MIGA1: variants seen among roughly 807,000 people sequenced by gnomAD.
MIGA1 encodes mitoguardin 1, also known as family with sequence similarity 73, member A.
A neutral mutation model predicts 82.0 loss-of-function variants in MIGA1; 58 were observed. The ratio of observed to expected loss-of-function variants is 0.71; its 90% confidence interval spans 0.57 to 0.88. The LOEUF is 0.88. Among genes scored for constraint, MIGA1 ranks in the 40% least tolerant of loss-of-function variants. MIGA1 has a pLI of 0.00. For synonymous variants in MIGA1, 249 were observed against 253.6 expected, an observed-to-expected ratio of 0.98 and a Z score of 0.17; for missense variants, 751 against 749.1, an observed-to-expected ratio of 1.00 and a Z score of -0.03.
chr1:77,851,901 G>T (rs1464795286), intron 8 of MIGA1, among the ~76,000 whole-genome samples: 3 of 125,832 alleles, frequency 2.4e-5, no homozygotes, highest in Non-Finnish European at 1.6e-5. Flanking sequence ...TTTTGAGACA[G>T]AGTCTTACTC....
chr1:77,793,025 A>G (rs1682494524), intron 2 of MIGA1, among the ~76,000 whole-genome samples: 1 of 151,914 alleles, frequency 6.6e-6, no homozygotes, highest in African/African-American at 2.4e-5. Flanking sequence ...TCCTGACCTT[A>G]GGTGATCTGC....
chr1:77,811,125 A>G (rs1037187113), intron 5 of MIGA1: 138 of 1,564,582 alleles, frequency 8.8e-5, no homozygotes, highest in Non-Finnish European at 1.1e-4. Flanking sequence ...CCACATTAAA[A>G]TGAACATATG....
intron 11 of MIGA1, 40 bp from the exon 12 acceptor site, chr1:77,861,184 T>C: frequency 2.4e-6 from 3 of 1,266,232 alleles, no homozygotes; most frequent in Middle Eastern, 3.8e-4. Flanking sequence ...TAGCTTGTTA[T>C]AAAGTTGAGT....
intron 1 of MIGA1, chr1:77,783,004 C>CTTTT: frequency 3.6e-6 from 1 of 280,954 alleles, no homozygotes; most frequent in Non-Finnish European, 5.2e-6. Flanking sequence ...TTAAATCTAG[C>CTTTT]TTTTTTTTTT....
At chr1:77,818,940 C>T (rs1218701373) in intron 7 of MIGA1, among the ~76,000 whole-genome samples, 2 of 151,652 alleles carry the variant, frequency 1.3e-5, no homozygotes, top group Admixed American at 6.6e-5. Context: ...ATTAGCTGGG[C>T]ATGGTGGTGG....
chr1:77,786,904 C>T (rs1386051722), intron 2 of MIGA1, among the ~76,000 whole-genome samples: 12 of 152,222 alleles, frequency 7.9e-5, no homozygotes, highest in Non-Finnish European at 8.8e-5. Flanking sequence ...GCACCCCACT[C>T]TACTGGTACC....
intron 8 of MIGA1, chr1:77,847,266 G>A: frequency 1.0e-6 from 1 of 1,001,144 alleles, no homozygotes; most frequent in Non-Finnish European, 1.6e-6. Context: ...CTAAGAAGCA[G>A]GCCATGAAAC....
chr1:77,836,408 G>A (rs111856655), intron 7 of MIGA1, among the ~76,000 whole-genome samples: 4 of 152,128 alleles, frequency 2.6e-5, no homozygotes, highest in African/African-American at 9.7e-5. Context: ...GATGTTTACA[G>A]GGGATAATAC....
chr1:77,833,594 A>G (rs1452465148), intron 7 of MIGA1, among the ~76,000 whole-genome samples: 3 of 152,174 alleles, frequency 2.0e-5, no homozygotes, highest in African/African-American at 7.2e-5. Context: ...CATCCATGTA[A>G]GCCCCTTGGG....
rs1158418629 is a variant in MIGA1, at chr1:77,795,880, C to T, written c.196-5451C>T. 7.3e-5 allele frequency among the ~76,000 whole-genome samples: 11 copies of T among 151,682 alleles called. No individual in the cohort carries two copies. In the East Asian group the frequency reaches 1.4e-3, roughly 19 times the overall value. On this transcript the variant is annotated intron_variant, in intron 2 of 15. Transcript: ENST00000370791. ...AACTCCTGACCTCAAGCTATCCACC[C>T]GCCTCAGCCTCCCAAAGTGCTGGTC... is the stretch of plus-strand genomic sequence containing the variant.
chr1:77,874,975 G>A lies in MIGA1; in HGVS notation c.1810G>A (p.Glu604Lys), dbSNP rs762408776. Residue 604 changes from glutamate (E) to lysine (K), a missense_variant, in exon 16 of 16, where the codon GAA (glutamate) becomes AAA (lysine). This residue lies in a region of MIGA1 where 265 missense variants were observed against 293.6 expected (regional missense o/e 0.90). Coordinates refer to ENST00000370791, the MANE Select transcript of MIGA1 (RefSeq NM_198549.4). ...CACTGAGCTTTTAATGGCCTATCTT[G>A]AAGCAGATGCCCTGAGGCATACAAG... 2 of 1,614,122 alleles carry A rather than the reference G, an allele frequency of 1.2e-6. No individual in the cohort carries two copies. The highest frequency in any genetic ancestry group is 3.3e-5 in the Admixed American group (2 of 60,012).
chr1:77,860,135 G>C lies in MIGA1; in HGVS notation c.1275+9G>C, dbSNP rs1272147544. ...TTGTGAAAGCACGAAAGGTAAACTT[G>C]TTCTGTTGGCAAGATTTTTACCATT... On this transcript the variant is annotated intron_variant, in intron 11 of 15. Transcript: ENST00000370791. The C allele has an allele frequency of 6.3e-7, 1 of 1,586,252 alleles. No homozygotes were observed. The highest frequency in any genetic ancestry group is 1.4e-5 in the African/African-American group (1 of 74,044).
At chr1:77,843,512 G>C in intron 8 of MIGA1, 105 bp downstream of exon 8, 3 of 785,142 alleles carry the variant, frequency 3.8e-6, no homozygotes, top group Non-Finnish European at 4.2e-6. Context: ...TATTTAGCAC[G>C]TACCATGTGG....
At chr1:77,793,783 C>CTTTTTTT (rs1175821307) in intron 2 of MIGA1, among the ~76,000 whole-genome samples, 3 of 114,150 alleles carry the variant, frequency 2.6e-5, no homozygotes, top group Non-Finnish European at 5.4e-5. Context: ...AAAATTTTAT[C>CTTTTTTT]TTTTTTTTTT....
At chr1:77,797,971 A>G (rs930485700) in intron 2 of MIGA1, among the ~76,000 whole-genome samples, 10 of 152,148 alleles carry the variant, frequency 6.6e-5, no homozygotes, top group Non-Finnish European at 1.0e-4. Flanking sequence ...TAGTACTTCT[A>G]ATACGACATT....
chr1:77,857,332 T>G (rs950849690), intron 8 of MIGA1, among the ~76,000 whole-genome samples: 10 of 151,988 alleles, frequency 6.6e-5, no homozygotes, highest in African/African-American at 2.4e-4. Flanking sequence ...GTTTTTTTTT[T>G]TTTGTTTTTG....
At position 77,878,629 on chromosome 1, in the gene MIGA1, C is replaced by CT. The variant is rs1646913158; in HGVS notation, c.*3571dup. On this transcript the variant is annotated 3_prime_UTR_variant, in exon 16 of 16. Coordinates refer to ENST00000370791, the MANE Select transcript of MIGA1 (RefSeq NM_198549.4). ...ATTAAGTCACTCCTGAGAAAATATC[C>CT]TTTTTTCTAGAAGAAAGAAGATAAA... 6.4e-6 allele frequency: 2 copies of CT among 312,370 alleles called. No individual in the cohort carries two copies. The highest frequency in any genetic ancestry group is 5.1e-5 in the Admixed American group (1 of 19,758). 19.3% of individuals were successfully genotyped at this position (312,370 alleles called of 1,614,324 possible).
chr1:77,803,264 T>G lies in MIGA1; in HGVS notation c.374-6T>G. ...TATTTTTAATATTAGTATGTTTATTTGATAGGTTCAAGTTGTTCCAGTAGC... is the reference window on the plus strand; with the variant it reads ...TATTTTTAATATTAGTATGTTTATTGGATAGGTTCAAGTTGTTCCAGTAGC... On this transcript the variant is annotated splice_polypyrimidine_tract_variant and splice_region_variant and intron_variant, in intron 3 of 15. Coordinates refer to ENST00000370791, the MANE Select transcript of MIGA1 (RefSeq NM_198549.4). 1 of 1,458,360 alleles carries G rather than the reference T, an allele frequency of 6.9e-7. No homozygotes were observed. Among genetic ancestry groups the G allele is most frequent in the Non-Finnish European group, 9.1e-7 (1 of 1,100,126 alleles). The allele number at this position is 1,458,360 out of a possible 1,614,324, so 90.3% of individuals were successfully genotyped here. A position where few individuals can be genotyped will look rare whatever the true frequency, so the allele number is the denominator to read the frequency against.
At chr1:77,780,889 A>G (rs1471075179) in intron 1 of MIGA1, among the ~76,000 whole-genome samples, 1 of 151,076 alleles carries the variant, frequency 6.6e-6, no homozygotes, top group Non-Finnish European at 1.5e-5. Context: ...GAGGTTTGTC[A>G]TAATATTTTT....
Sources: allele counts gnomAD v4.1 joint callset (sites outside exome capture counted in the v4.1 genomes callset), GRCh38; gene constraint gnomAD v4.1.1; regional missense constraint gnomAD v4.1.1; transcripts MANE v1.5; gene names NCBI Gene and HGNC (gene_info 2026-07-23, HGNC 2026-07-21).